CPXM2: variants seen among roughly 807,000 people sequenced by gnomAD.
The protein encoded by CPXM2 is inactive carboxypeptidase-like protein X2.
In CPXM2, 66 loss-of-function variants were observed where a neutral mutation model predicts 86.1. The ratio of observed to expected loss-of-function variants is 0.77; its 90% CI spans 0.63 to 0.94. CPXM2 has a LOEUF of 0.94. CPXM2 is among the 40% of genes least tolerant of loss of function. CPXM2 has a pLI of 0.00. For missense variants in CPXM2, 948 were observed against 1,026.3 expected (o/e 0.92, Z 1.04); for synonymous variants, 388 against 400.2 (o/e 0.97, Z 0.36).
chr10:123,863,819 C>T (rs1203718942), intron 2 of CPXM2, among the ~76,000 whole-genome samples: 1 of 152,218 alleles, frequency 6.6e-6, no homozygotes, highest in Non-Finnish European at 1.5e-5. Context: ...CTCTCTGAGA[C>T]AGCTGGGAGC....
At chr10:123,900,461 A>T (rs1945372853) in intron 2 of CPXM2, among the ~76,000 whole-genome samples, 1 of 152,262 alleles carries the variant, frequency 6.6e-6, no homozygotes, top group African/African-American at 2.4e-5. Flanking sequence ...CTACATATAA[A>T]GAAATGCTCA....
At chr10:123,750,789 CT>C in intron 13 of CPXM2, 1 of 985,438 alleles carries the variant, frequency 1.0e-6, no homozygotes, top group Non-Finnish European at 1.2e-6. Flanking sequence ...CATCTCAAAG[CT>C]TCTACTGCAG....
chr10:123,776,150 C>T (rs1846781765), intron 7 of CPXM2, among the ~76,000 whole-genome samples: 1 of 152,106 alleles, frequency 6.6e-6, no homozygotes, highest in African/African-American at 2.4e-5. Flanking sequence ...GCTTTGTGGT[C>T]CCCCAAAGCT....
At chr10:123,830,675 G>C (rs74162946) in intron 4 of CPXM2, among the ~76,000 whole-genome samples, 17 of 152,072 alleles carry the variant, frequency 1.1e-4, no homozygotes, top group South Asian at 2.1e-4. Context: ...ACAGGTTAGC[G>C]GGCTTGAATC....
rs533801157 is a variant in CPXM2 at position 123,755,700 on chromosome 10, G to A, written c.1918-938C>T. ...ACCCTTCCAATGACTTGTGTCATGC[G>A]ATGCACTCAAACCTTATGCCTCAGT... On this transcript the variant is annotated intron_variant, in intron 12 of 13. Transcript: ENST00000241305. Among the ~76,000 whole-genome samples the A allele has an allele frequency of 4.6e-5, 7 of 152,298 alleles. No individual in the cohort carries two copies. The South Asian group carries it at 8.3e-4, about 18-fold the overall frequency.
At chr10:123,895,697 G>A (rs752250399), upstream of CPXM2, among the ~76,000 whole-genome samples, 8 of 152,220 alleles carry the variant, frequency 5.3e-5, no homozygotes, top group Non-Finnish European at 1.2e-4. Flanking sequence ...TCCGCGTAGT[G>A]TAAGTAGAAC....
In CPXM2 at chr10:123,761,952, C is replaced by T. The variant is rs529727115; in HGVS notation, c.1697G>A (p.Arg566Gln). Residue 566 changes from arginine to glutamine, a missense_variant, in exon 11 of 14, where the codon CGG becomes CAG. Transcript: ENST00000241305. ...ASTHRLMTDA[R>Q]RRVCHTEDFQ... ...GTCCTCCGTGTGGCACACCCTCCTC[C>T]GGGCGTCTGTCATGAGGCGGTGTGT... 21 of 1,613,770 alleles carry T rather than the reference C, an allele frequency of 1.3e-5. No homozygotes were observed. The African/African-American group carries it at 2.0e-4, about 15-fold the overall frequency.
At chr10:123,797,857 G>C in intron 6 of CPXM2, 119 bp downstream of exon 6, 1 of 1,000,706 alleles carries the variant, frequency 1.0e-6, no homozygotes, top group Non-Finnish European at 1.3e-6. Context: ...CAAAATGCTG[G>C]GATTACAGGC....
At position 123,862,613 on chromosome 10, in the gene CPXM2, C is replaced by T. The variant is rs1312409980; in HGVS notation, c.513+1G>A. The T allele has an allele frequency of 6.2e-7, 1 of 1,613,704 alleles. No individual in the cohort carries two copies. Among genetic ancestry groups the T allele is most frequent in the African/African-American group, 1.3e-5 (1 of 75,052 alleles). On this transcript the variant is annotated splice_donor_variant, in intron 3 of 13. Coordinates refer to ENST00000241305, the MANE Select transcript of CPXM2 (RefSeq NM_198148.3). LOFTEE classifies it high-confidence loss of function. Reference sequence around the variant, plus strand: ...ATCCTTCCAACCACAGGGCCAGGTACCTGGATGTTGAGTCTCCCTCGATGT... The same window carrying T: ...ATCCTTCCAACCACAGGGCCAGGTATCTGGATGTTGAGTCTCCCTCGATGT...
intron 3 of CPXM2, among the ~76,000 whole-genome samples, chr10:123,858,391 G>C (rs532484218): frequency 1.3e-5 from 2 of 152,234 alleles, no homozygotes; most frequent in Non-Finnish European, 1.5e-5. Context: ...GGGTGCAGAT[G>C]AATAAATCAA....
At chr10:123,920,867 T>C (rs1280522218) in intron 2 of CPXM2, among the ~76,000 whole-genome samples, 1 of 152,202 alleles carries the variant, frequency 6.6e-6, no homozygotes. Context: ...CTCTCTCACA[T>C]GCACGACTTT....
chr10:123,800,801 T>A (rs1165417222), intron 4 of CPXM2, among the ~76,000 whole-genome samples: 1 of 152,054 alleles, frequency 6.6e-6, no homozygotes, highest in Non-Finnish European at 1.5e-5. Flanking sequence ...AAAATAAGAA[T>A]ACCAATCCCC....
At chr10:123,843,117 A>C (rs1428008733) in intron 3 of CPXM2, 4 of 333,128 alleles carry the variant, frequency 1.2e-5, no homozygotes, top group Non-Finnish European at 2.3e-5. Context: ...ACTACCAAAA[A>C]TTCTTTTTTT....
chr10:123,852,896 T>C (rs1222951207), intron 3 of CPXM2, among the ~76,000 whole-genome samples: 1 of 152,182 alleles, frequency 6.6e-6, no homozygotes, highest in East Asian at 1.9e-4. Context: ...CTTCTCTCCA[T>C]AGTACGTGCC....
intron 3 of CPXM2, among the ~76,000 whole-genome samples, chr10:123,844,124 G>A (rs1285821188): frequency 6.6e-6 from 1 of 152,104 alleles, no homozygotes; most frequent in Non-Finnish European, 1.5e-5. Context: ...GCAAGTGCCT[G>A]GGAGAATTCA....
rs112542031 is a variant in CPXM2 at position 123,842,444 on chromosome 10, C to T, written c.558G>A (p.Ala186=). 181 of 1,614,154 alleles carry T rather than the reference C, an allele frequency of 1.1e-4. 1 individual carries two copies. The African/African-American group carries it at 1.8e-3, about 16-fold the overall frequency. Residue 186 remains alanine, a synonymous_variant, in exon 4 of 14, where the codon GCG becomes GCA. Coordinates refer to ENST00000241305, the MANE Select transcript of CPXM2 (RefSeq NM_198148.3). ...ENDFYDGAWC[A]GRNDLQQWIE... ...TCCACTGCTGGAGGTCATTTCTTCC[C>T]GCGCACCACGCTCCGTCATAAAAAT...
At chr10:123,917,715 C>G (rs80213332) in intron 2 of CPXM2, among the ~76,000 whole-genome samples, 3,936 of 152,318 alleles carry the variant, frequency 0.026, 79 homozygotes, top group East Asian at 0.11. Context: ...CTGCCATACT[C>G]TAGGCACTGA....
At chr10:123,877,576 G>A (rs1945007652) in intron 2 of CPXM2, among the ~76,000 whole-genome samples, 1 of 152,144 alleles carries the variant, frequency 6.6e-6, no homozygotes, top group Non-Finnish European at 1.5e-5. Context: ...ACCAAAGCTT[G>A]GGCTCAGAAC....
At chr10:123,849,454 T>G (rs1286461854) in intron 3 of CPXM2, among the ~76,000 whole-genome samples, 1 of 150,728 alleles carries the variant, frequency 6.6e-6, no homozygotes, top group African/African-American at 2.4e-5. Context: ...TTTTTTTTTT[T>G]TTTGAGATGG....
Sources: gnomAD v4.1 joint callset for allele counts (sites outside exome capture counted in the v4.1 genomes callset) on GRCh38, gnomAD v4.1.1 for gene constraint, MANE v1.5 for transcripts, NCBI Gene and HGNC (gene_info 2026-07-23, HGNC 2026-07-21) for gene names.